HSPA4: variants seen among roughly 807,000 people sequenced by gnomAD.
HSPA4 encodes the protein heat shock 70 kDa protein 4.
A neutral mutation model predicts 106.2 loss-of-function variants in HSPA4; 25 were observed. The ratio of observed to expected loss-of-function variants is 0.24; its 90% CI spans 0.17 to 0.33. The LOEUF is 0.33. HSPA4 is among the 10% of genes least tolerant of loss of function. The probability of loss-of-function intolerance (pLI) is 1.00; values close to 1 mark genes in which losing one functional copy is unlikely to be tolerated. For synonymous variants in HSPA4, 332 were observed against 333.6 expected, an observed-to-expected ratio of 1.00 and a Z score of 0.05; for missense variants, 841 against 996.0, an observed-to-expected ratio of 0.84 and a Z score of 2.10.
At chr5:133,059,614 C>T (rs770082961) in intron 1 of HSPA4, among the ~76,000 whole-genome samples, 6 of 152,050 alleles carry the variant, frequency 3.9e-5, no homozygotes, top group Admixed American at 1.3e-4. Context: ...GACCCTGTCT[C>T]AAAACCAGAA....
At chr5:133,062,584 C>T (rs1388806368) in intron 1 of HSPA4, among the ~76,000 whole-genome samples, 2 of 151,994 alleles carry the variant, frequency 1.3e-5, no homozygotes, top group African/African-American at 2.4e-5. Flanking sequence ...TATTTATTTG[C>T]ATCTAGTGTC....
At chr5:133,091,157 A>C (rs984672689) in intron 11 of HSPA4, 36 bp from the exon 12 acceptor site, 17 of 1,510,238 alleles carry the variant, frequency 1.1e-5, no homozygotes, top group Middle Eastern at 1.7e-4. Context: ...TCATCCTCTT[A>C]GGTTATGTGT....
chr5:133,103,070 T>C (rs73272752), intron 17 of HSPA4, among the ~76,000 whole-genome samples: 3,651 of 151,916 alleles, frequency 0.024, 143 homozygotes, highest in African/African-American at 0.079. Flanking sequence ...TTTTCCTCCT[T>C]CTTTTTTGTG....
At chr5:133,062,266 G>T (rs1435482779) in intron 1 of HSPA4, among the ~76,000 whole-genome samples, 1 of 152,190 alleles carries the variant, frequency 6.6e-6, no homozygotes, top group African/African-American at 2.4e-5. Flanking sequence ...CCTTCAGCAG[G>T]ATTTGCAGGA....
At chr5:133,084,759 C>G (rs780489146) in intron 7 of HSPA4, among the ~76,000 whole-genome samples, 1 of 152,186 alleles carries the variant, frequency 6.6e-6, no homozygotes, top group East Asian at 1.9e-4. Flanking sequence ...CATGAGCCAC[C>G]GCACCCAGCC....
intron 6 of HSPA4, chr5:133,076,019 TG>T (rs1248448770): frequency 7.2e-5 from 11 of 152,236 alleles, no homozygotes; most frequent in Admixed American, 7.2e-4. Flanking sequence ...TTGAAGAGAT[TG>T]TTTTTACTGG....
chr5:133,092,806 G>GTTTTTTTTGTTTTTTTTTTTTTTTT lies in HSPA4; in HGVS notation c.1650+25_1650+26insGTTTTTTTTTTTTTTTTTTTTTTTT, dbSNP rs1765662599. On this transcript the variant is annotated intron_variant, in intron 13 of 18. Transcript: ENST00000304858. ...GAAATGGAGGTATGCATTGGGTGGTGTTTTTTTTTTTTTTTTTTTTTTTTT... is the reference window on the plus strand; with the variant it reads ...GAAATGGAGGTATGCATTGGGTGGTGTTTTTTTTGTTTTTTTTTTTTTTTTTTTTTTTTTTTTTTTTTTTTTTTTT... 14 of 474,012 alleles carry GTTTTTTTTGTTTTTTTTTTTTTTTT rather than the reference G, an allele frequency of 3.0e-5. No homozygotes were observed. The African/African-American group carries it at 4.3e-4, about 14-fold the overall frequency. The allele number at this position is 474,012 out of a possible 1,614,324, so 29.4% of individuals were successfully genotyped here.
chr5:133,068,355 G>T (rs1765337747), intron 3 of HSPA4, among the ~76,000 whole-genome samples: 1 of 152,060 alleles, frequency 6.6e-6, no homozygotes, highest in South Asian at 2.1e-4. Context: ...CACAGAAAAA[G>T]GGTAAGAGGC....
At chr5:133,058,989 G>A (rs1765202145) in intron 1 of HSPA4, among the ~76,000 whole-genome samples, 1 of 151,890 alleles carries the variant, frequency 6.6e-6, no homozygotes, top group African/African-American at 2.4e-5. Context: ...TTAGCTGGGT[G>A]TGGTGGCACG....
chr5:133,084,417 T>C (rs1195712219), intron 7 of HSPA4, among the ~76,000 whole-genome samples: 1 of 152,196 alleles, frequency 6.6e-6, no homozygotes, highest in African/African-American at 2.4e-5. Context: ...CTCACCAGTA[T>C]TGAGGTTAGC....
intron 9 of HSPA4, 129 bp downstream of exon 9, chr5:133,088,684 T>A (rs1765609058): frequency 2.8e-6 from 2 of 722,454 alleles, no homozygotes; most frequent in Non-Finnish European, 2.4e-6. Context: ...AAACCTTTGT[T>A]TTAAAATAGA....
chr5:133,075,436 G>A (rs1228882778), intron 6 of HSPA4, among the ~76,000 whole-genome samples: 1 of 152,004 alleles, frequency 6.6e-6, no homozygotes, highest in Non-Finnish European at 1.5e-5. Flanking sequence ...CAATCCTTTT[G>A]ATTACTTTTA....
chr5:133,094,021 A>C (rs550185670), intron 13 of HSPA4, among the ~76,000 whole-genome samples: 15 of 152,260 alleles, frequency 9.9e-5, no homozygotes, highest in African/African-American at 3.6e-4. Context: ...TGAACCTGGG[A>C]GATGGAGGTT....
intron 7 of HSPA4, among the ~76,000 whole-genome samples, chr5:133,084,812 A>G (rs908843291): frequency 2.6e-5 from 4 of 151,736 alleles, no homozygotes; most frequent in Non-Finnish European, 4.4e-5. Flanking sequence ...AAAGTTACCC[A>G]CTTTTCCCTT....
At position 133,103,961 on chromosome 5, in the gene HSPA4, C is replaced by G. The variant is rs772415371; in HGVS notation, c.2254C>G (p.Gln752Glu). Residue 752 changes from glutamine to glutamate, a missense_variant, in exon 18 of 19, where the codon CAG (glutamine) becomes GAG (glutamate). Physicochemically the swap from Gln to Glu is conservative, Grantham distance 29. This residue lies in a region of HSPA4 where 328 missense variants were observed against 372.2 expected (regional missense o/e 0.88). Coordinates refer to ENST00000304858, the MANE Select transcript of HSPA4 (RefSeq NM_002154.4). The part of the protein sequence containing the change: ...MEWMNNKLNL[Q>E]NKQSLTMDPV... Reference sequence around the variant, plus strand: ...GTGGATGAATAACAAGCTAAATCTGCAGAACAAGCAGAGTTTGACCATGGA... The same window carrying G: ...GTGGATGAATAACAAGCTAAATCTGGAGAACAAGCAGAGTTTGACCATGGA... 6.2e-7 allele frequency: 1 copy of G among 1,613,688 alleles called. No homozygotes were observed. Among genetic ancestry groups the G allele is most frequent in the African/African-American group, 1.3e-5 (1 of 74,870 alleles).
At chr5:133,100,130 C>T (rs572631871) in intron 16 of HSPA4, among the ~76,000 whole-genome samples, 104 of 152,150 alleles carry the variant, frequency 6.8e-4, no homozygotes, top group African/African-American at 2.4e-3. Context: ...GTGGCGCAGT[C>T]TCGGCTCACT....
At chr5:133,056,546 C>T (rs561392905) in intron 1 of HSPA4, among the ~76,000 whole-genome samples, 8 of 152,250 alleles carry the variant, frequency 5.3e-5, no homozygotes, top group Non-Finnish European at 1.0e-4. Flanking sequence ...GCTGGGAATA[C>T]AGGCGTGAGC....
intron 4 of HSPA4, among the ~76,000 whole-genome samples, chr5:133,072,402 T>TTTTG (rs1285094886): frequency 7.1e-6 from 1 of 140,110 alleles, no homozygotes; most frequent in African/African-American, 2.7e-5. Flanking sequence ...GTTTTTTTTT[T>TTTTG]TTTTTTTTTT....
In HSPA4 at chr5:133,076,861, T is replaced by C; in HGVS notation, c.871T>C (p.Phe291Leu). 1 of 1,612,128 alleles carries C rather than the reference T, an allele frequency of 6.2e-7. No individual in the cohort carries two copies. Among genetic ancestry groups the C allele is most frequent in the Non-Finnish European group, 8.5e-7 (1 of 1,178,246 alleles). ...ASDLPLSIECFMNDVDVSGTM... is the reference protein window; with the variant it reads ...ASDLPLSIECLMNDVDVSGTM... ...AGATCTCCCTTTGAGCATTGAATGTTTTATGAATGATGTTGATGTATCTGG... is the reference window on the plus strand; with the variant it reads ...AGATCTCCCTTTGAGCATTGAATGTCTTATGAATGATGTTGATGTATCTGG... Residue 291 changes from phenylalanine (F) to leucine (L), a missense_variant, in exon 7 of 19, where the codon TTT (phenylalanine) becomes CTT (leucine). By Grantham distance (22) the Phe-to-Leu change is conservative. Transcript: ENST00000304858.
Sources: allele counts gnomAD v4.1 joint callset (sites outside exome capture counted in the v4.1 genomes callset), GRCh38; gene constraint gnomAD v4.1.1; regional missense constraint gnomAD v4.1.1; transcripts MANE v1.5; gene names NCBI Gene and HGNC (gene_info 2026-07-23, HGNC 2026-07-21).